The following MYO9A variants were observed in gnomAD, a reference collection of about 807,000 sequenced individuals.
MYO9A encodes the protein myosin IXA.
A neutral mutation model predicts 293.3 loss-of-function variants in MYO9A; 103 were observed. That is an observed-to-expected ratio of 0.35 (90% CI 0.30 to 0.41). The LOEUF is 0.41. MYO9A is among the 10% of genes least tolerant of loss of function. The probability of loss-of-function intolerance (pLI) is 1.00; values close to 1 mark genes in which losing one functional copy is unlikely to be tolerated. For synonymous variants in MYO9A, 1,001 were observed against 1,035.7 expected (o/e 0.97, Z 0.64); for missense variants, 2,685 against 3,033.0 (o/e 0.89, Z 2.69).
chr15:71,929,072 T>C (rs2058405167), intron 18 of MYO9A, among the ~76,000 whole-genome samples: 1 of 139,338 alleles, frequency 7.2e-6, no homozygotes, highest in Admixed American at 7.2e-5. Flanking sequence ...ACTGTCTCTA[T>C]TAAAAAAAAA....
intron 23 of MYO9A, among the ~76,000 whole-genome samples, chr15:71,900,645 T>C (rs1244201991): frequency 6.6e-6 from 1 of 152,190 alleles, no homozygotes; most frequent in Non-Finnish European, 1.5e-5. Context: ...TAACATATTA[T>C]ATTCTTTTGT....
At chr15:71,980,467 T>C (rs1009877263) in intron 11 of MYO9A, among the ~76,000 whole-genome samples, 2 of 152,164 alleles carry the variant, frequency 1.3e-5, no homozygotes, top group African/African-American at 4.8e-5. Flanking sequence ...CCCTGATGAA[T>C]AACAAAGAAA....
chr15:72,075,214 C>T (rs1192126159), intron 1 of MYO9A, among the ~76,000 whole-genome samples: 3 of 151,970 alleles, frequency 2.0e-5, no homozygotes, highest in Non-Finnish European at 4.4e-5. Context: ...GATCCACCCG[C>T]CTCGGCTTCC....
At chr15:71,856,816 T>G (rs983916683) in intron 34 of MYO9A, among the ~76,000 whole-genome samples, 2 of 152,148 alleles carry the variant, frequency 1.3e-5, no homozygotes, top group Non-Finnish European at 2.9e-5. Flanking sequence ...CTTGGAATAT[T>G]TAGAGGATGC....
At chr15:71,947,591 A>AT (rs2058949509) in intron 15 of MYO9A, among the ~76,000 whole-genome samples, 1 of 152,182 alleles carries the variant, frequency 6.6e-6, no homozygotes, top group Non-Finnish European at 1.5e-5. Context: ...TTTCCCAGAT[A>AT]TATCTGTTAA....
intron 3 of MYO9A, among the ~76,000 whole-genome samples, chr15:72,029,239 A>G (rs1330602160): frequency 6.6e-6 from 1 of 152,246 alleles, no homozygotes; most frequent in Non-Finnish European, 1.5e-5. Flanking sequence ...TACACATACC[A>G]ACTTCAGGGA....
chr15:72,032,573 T>C lies in MYO9A; in HGVS notation c.856A>G (p.Lys286Glu). The C allele has an allele frequency of 6.3e-7, 1 of 1,595,182 alleles. No homozygotes were observed. Among genetic ancestry groups the C allele is most frequent in the Non-Finnish European group, 8.5e-7 (1 of 1,173,996 alleles). The part of the protein sequence containing the change: ...GPVLEAFGNA[K>E]TAHNNNSSRF... ...CTTGAATTGTTATTATGAGCTGTCT[T>C]TGCATTTCCAAAGGCCTGTCAAAAT... The change falls in exon 3 of 42, where the codon AAG (lysine) becomes GAG (glutamate). Residue 286 changes from lysine (K) to glutamate (E), a missense_variant. Lys to Glu is a moderately conservative substitution (Grantham distance 56, BLOSUM62 1). Around this residue, in one of 10 missense-constraint regions of MYO9A, gnomAD observed 289 missense variants for 456.8 expected, o/e 0.63. Coordinates refer to ENST00000356056, the MANE Select transcript of MYO9A (RefSeq NM_006901.4).
In MYO9A at chr15:71,907,033, G is replaced by A. The variant is rs1184224802; in HGVS notation, c.2686-2027C>T. 6.0e-4 allele frequency among the ~76,000 whole-genome samples: 90 copies of A among 148,844 alleles called. 1 individual carries two copies. In the South Asian group the frequency reaches 0.018, roughly 30 times the overall value. ...ATGTATACATGTGACATGCTGGTGC[G>A]CTGCCCCCACTAACTCGTCATCTAG... On this transcript the variant is annotated intron_variant, in intron 19 of 41. Transcript: ENST00000356056.
intron 32 of MYO9A, among the ~76,000 whole-genome samples, chr15:71,865,357 T>C (rs1195015070): frequency 1.3e-5 from 2 of 152,220 alleles, no homozygotes; most frequent in Non-Finnish European, 2.9e-5. Context: ...AACTTGTTCA[T>C]GAATTTTCAT....
At position 72,095,182 on chromosome 15, in the gene MYO9A, GTGCAAAA is replaced by G. The variant is rs2080031252; in HGVS notation, c.-72+22491_-72+22497del. Reference sequence around the variant, plus strand: ...AGACAGGCCAAAAGCTAGACCTCTTGTGCAAAACAGTTTGCCAAGTTGTGAATGCAAA... The same window carrying G: ...AGACAGGCCAAAAGCTAGACCTCTTGCAGTTTGCCAAGTTGTGAATGCAAA... On this transcript the variant is annotated intron_variant, in intron 1 of 41. Transcript: ENST00000356056. Among the ~76,000 whole-genome samples the G allele has an allele frequency of 3.2e-5, 3 of 92,692 alleles. 1 individual carries two copies. Among genetic ancestry groups the G allele is most frequent in the African/African-American group, 7.7e-5 (3 of 39,094 alleles). The allele number at this position is 92,692 out of a possible 152,430, so 60.8% of individuals were successfully genotyped here.
rs1272072089 is a variant in MYO9A at position 72,094,318 on chromosome 15, C to T, written c.-72+23362G>A. 4.6e-5 allele frequency among the ~76,000 whole-genome samples: 4 copies of T among 87,450 alleles called. 2 individuals are homozygous for T. The highest frequency in any genetic ancestry group is 1.4e-4 in the Non-Finnish European group (4 of 28,870). The allele number at this position is 87,450 out of a possible 152,430, so 57.4% of individuals were successfully genotyped here. A position where few individuals can be genotyped will look rare whatever the true frequency, so the allele number is the denominator to read the frequency against. ...AGTAAGAAAATCTAACATATATAGA[C>T]ATACCTCATTTTATCGCACTTTGCT... is the stretch of plus-strand genomic sequence containing the variant. On this transcript the variant is annotated intron_variant, in intron 1 of 41. Transcript: ENST00000356056.
Position 71,825,226 on chromosome 15 carries a change from A to G in MYO9A, c.*1354T>C, listed in dbSNP as rs1356178113. 6.6e-6 allele frequency: 1 copy of G among 152,196 alleles called. No individual in the cohort carries two copies. Among genetic ancestry groups the G allele is most frequent in the Non-Finnish European group, 1.5e-5 (1 of 68,038 alleles). 9.4% of individuals were successfully genotyped at this position (152,196 alleles called of 1,614,324 possible). A position where few individuals can be genotyped will look rare whatever the true frequency, so the allele number is the denominator to read the frequency against. On this transcript the variant is annotated 3_prime_UTR_variant, in exon 42 of 42. Coordinates refer to ENST00000356056, the MANE Select transcript of MYO9A (RefSeq NM_006901.4). ...GTGTATGAAGACCACCCAGTGGTGAAAATGATGTCTTACTAATTCCCTCAA... is the reference window on the plus strand; with the variant it reads ...GTGTATGAAGACCACCCAGTGGTGAGAATGATGTCTTACTAATTCCCTCAA...
At chr15:72,066,373 C>A (rs559303998) in intron 1 of MYO9A, among the ~76,000 whole-genome samples, 1 of 152,000 alleles carries the variant, frequency 6.6e-6, no homozygotes, top group South Asian at 2.1e-4. Flanking sequence ...CTAGTCTCAG[C>A]TACTCAGGAG....
intron 1 of MYO9A, among the ~76,000 whole-genome samples, chr15:72,085,323 G>A (rs1281071240): frequency 6.6e-6 from 1 of 151,820 alleles, no homozygotes; most frequent in Non-Finnish European, 1.5e-5. Flanking sequence ...AACCCAGGAG[G>A]CAAATGTTGC....
Position 71,826,719 on chromosome 15 carries a change from T to G in MYO9A, c.7508A>C (p.Lys2503Thr). 6.2e-7 allele frequency: 1 copy of G among 1,614,178 alleles called. No individual in the cohort carries two copies. The highest frequency in any genetic ancestry group is 1.1e-5 in the South Asian group (1 of 91,090). ...TTTCTGAGGTGAGTTTTTCACATTC[T>G]TTAATTTTTGTTTGCCCTTTTCCGG... ...FNPEKGKQKL[K>T]NVKNSPQKTK... Residue 2503 changes from lysine to threonine, a missense_variant, in exon 42 of 42, where the codon AAG becomes ACG. Lys to Thr is a moderately conservative substitution (Grantham distance 78, BLOSUM62 -1). Around this residue, in one of 10 missense-constraint regions of MYO9A, gnomAD observed 350 missense variants for 328.9 expected, o/e 1.06. Coordinates refer to ENST00000356056, the MANE Select transcript of MYO9A (RefSeq NM_006901.4).
chr15:71,943,705 T>C lies in MYO9A; in HGVS notation c.2303-4778A>G, dbSNP rs150958432. 5.6e-4 allele frequency among the ~76,000 whole-genome samples: 85 copies of C among 152,212 alleles called. No homozygotes were observed. In the East Asian group the frequency reaches 0.015, roughly 27 times the overall value. Reference sequence around the variant, plus strand: ...TTGGACAATCTCCCACACTTACTTATGGGTAAAGACAATCACTAACTTGCT... The same window carrying C: ...TTGGACAATCTCCCACACTTACTTACGGGTAAAGACAATCACTAACTTGCT... On this transcript the variant is annotated intron_variant, in intron 15 of 41. Transcript: ENST00000356056.
At chr15:71,947,194 A>T (rs2058937039) in intron 15 of MYO9A, among the ~76,000 whole-genome samples, 1 of 151,624 alleles carries the variant, frequency 6.6e-6, no homozygotes, top group African/African-American at 2.4e-5. Context: ...AGGCATGAGA[A>T]TCACTTGAAC....
intron 1 of MYO9A, among the ~76,000 whole-genome samples, chr15:72,069,158 G>A (rs1259435583): frequency 6.6e-6 from 1 of 152,098 alleles, no homozygotes; most frequent in East Asian, 1.9e-4. Context: ...CAAGCTCTTA[G>A]GTAGCAAAGA....
At chr15:71,980,937 A>G (rs1327175332) in intron 11 of MYO9A, among the ~76,000 whole-genome samples, 1 of 152,192 alleles carries the variant, frequency 6.6e-6, no homozygotes, top group East Asian at 1.9e-4. Flanking sequence ...ATTCAATAAG[A>G]TATTAGCTGT....
Sources: gnomAD v4.1 joint callset for allele counts (sites outside exome capture counted in the v4.1 genomes callset) on GRCh38, gnomAD v4.1.1 for gene constraint, gnomAD v4.1.1 regional missense constraint, MANE v1.5 for transcripts, NCBI Gene and HGNC (gene_info 2026-07-23, HGNC 2026-07-21) for gene names.